The following PHC2 variants were observed in gnomAD, a reference collection of about 807,000 sequenced individuals.
PHC2 encodes the protein polyhomeotic-like protein 2.
In PHC2, 29 loss-of-function variants were observed where a neutral mutation model predicts 87.4. That is an observed-to-expected ratio of 0.33 (90% CI 0.25 to 0.45). PHC2 has a LOEUF of 0.45. Ranked by LOEUF, PHC2 falls within the 20% of genes least tolerant of loss-of-function variation. The pLI, the probability that PHC2 is intolerant of heterozygous loss-of-function variation, is 1.00. For missense variants in PHC2, 857 were observed against 1,136.7 expected, an observed-to-expected ratio of 0.75 and a Z score of 3.54; for synonymous variants, 438 against 461.7, an observed-to-expected ratio of 0.95 and a Z score of 0.66.
chr1:33,342,314 A>G (rs1646758763), intron 9 of PHC2, among the ~76,000 whole-genome samples: 1 of 152,196 alleles, frequency 6.6e-6, no homozygotes, highest in African/African-American at 2.4e-5. Context: ...TCTGGCAGGG[A>G]GGGGGCTCCT....
At chr1:33,345,276 A>G (rs578084427) in intron 9 of PHC2, 1 of 152,464 alleles carries the variant, frequency 6.6e-6, no homozygotes, top group South Asian at 2.1e-4. Context: ...ATCTGAAAAA[A>G]ACAGACATTT....
intron 9 of PHC2, among the ~76,000 whole-genome samples, chr1:33,352,767 G>T (rs748539942): frequency 6.6e-6 from 1 of 152,142 alleles, no homozygotes; most frequent in Non-Finnish European, 1.5e-5. Flanking sequence ...GTTCACGGGG[G>T]CCATTCGTGC....
At position 33,324,810 on chromosome 1, in the gene PHC2, G is replaced by A; in HGVS notation, c.*55C>T. The A allele has an allele frequency of 1.3e-6, 2 of 1,552,210 alleles. No homozygotes were observed. Among genetic ancestry groups the A allele is most frequent in the Non-Finnish European group, 1.7e-6 (2 of 1,144,802 alleles). On this transcript the variant is annotated 3_prime_UTR_variant, in exon 15 of 15. Coordinates refer to ENST00000683057, the MANE Select transcript of PHC2 (RefSeq NM_001385109.1). Reference sequence around the variant, plus strand: ...TGGGCCCCTCAGGAATGTCTGTCTGGCTCTGCTCAGTCGGGAGGAGGCGCC... The same window carrying A: ...TGGGCCCCTCAGGAATGTCTGTCTGACTCTGCTCAGTCGGGAGGAGGCGCC...
At chr1:33,417,121 A>C (rs1306809055) in intron 1 of PHC2, among the ~76,000 whole-genome samples, 3 of 152,178 alleles carry the variant, frequency 2.0e-5, no homozygotes, top group African/African-American at 7.2e-5. Context: ...CTAAGAAAAG[A>C]TAAAACAAAG....
intron 7 of PHC2, among the ~76,000 whole-genome samples, chr1:33,356,368 T>C (rs1205727378): frequency 1.3e-5 from 2 of 149,320 alleles, no homozygotes; most frequent in East Asian, 2.0e-4. Flanking sequence ...CATAGGACAA[T>C]AGTGGAGGGA....
intron 9 of PHC2, among the ~76,000 whole-genome samples, chr1:33,351,955 A>G (rs1404631725): frequency 6.7e-6 from 1 of 150,154 alleles, no homozygotes; most frequent in African/African-American, 2.5e-5. Flanking sequence ...GCATCTCAAA[A>G]AAAAAAAAAA....
In PHC2 at chr1:33,367,172, C is replaced by G; in HGVS notation, c.920G>C (p.Arg307Pro). Residue 307 changes from arginine to proline, a missense_variant, in exon 7 of 15, where the codon CGG (arginine) becomes CCG (proline). Around this residue, in one of 3 missense-constraint regions of PHC2, gnomAD observed 832 missense variants for 1,081.8 expected, o/e 0.77. Coordinates refer to ENST00000683057, the MANE Select transcript of PHC2 (RefSeq NM_001385109.1). ...NSSVPGSMEG[R>P]AGLSRTVPAV... Reference sequence around the variant, plus strand: ...AGGAACCGTCCGGCTGAGCCCAGCCCGGCCTTCCATGCTCCCTGGCACACT... The same window carrying G: ...AGGAACCGTCCGGCTGAGCCCAGCCGGGCCTTCCATGCTCCCTGGCACACT... 1 of 1,614,074 alleles carries G rather than the reference C, an allele frequency of 6.2e-7. No homozygotes were observed. Among genetic ancestry groups the G allele is most frequent in the Non-Finnish European group, 8.5e-7 (1 of 1,179,954 alleles).
chr1:33,371,981 C>A lies in PHC2; in HGVS notation c.333+308G>T, dbSNP rs529056511. 2.6e-5 allele frequency among the ~76,000 whole-genome samples: 4 copies of A among 152,344 alleles called. No homozygotes were observed. In the East Asian group the frequency reaches 7.7e-4, roughly 29 times the overall value. On this transcript the variant is annotated intron_variant, in intron 3 of 14. Transcript: ENST00000683057. Reference sequence around the variant, plus strand: ...AGCTAAACAGGCAGTGCCCTTCGTTCACGAACGCTTCCCTGGAACCCACAG... The same window carrying A: ...AGCTAAACAGGCAGTGCCCTTCGTTAACGAACGCTTCCCTGGAACCCACAG...
chr1:33,350,901 C>G (rs1181211200), intron 9 of PHC2, among the ~76,000 whole-genome samples: 2 of 152,182 alleles, frequency 1.3e-5, no homozygotes, highest in Non-Finnish European at 2.9e-5. Context: ...GTTTTATAAA[C>G]TAGGGTAACA....
rs114477955 is a variant in PHC2 at position 33,332,964 on chromosome 1, C to T, written c.1762-560G>A. ...AGAACCCCAGAGCAGCTTATTTACG[C>T]GTTTAGATCTCCTTTTGTGGCCTGT... is the stretch of plus-strand genomic sequence containing the variant. On this transcript the variant is annotated intron_variant, in intron 10 of 14. Coordinates refer to ENST00000683057, the MANE Select transcript of PHC2 (RefSeq NM_001385109.1). This position sits in a 1 kb window ranked among gnomAD's most constrained non-coding sequence, Gnocchi z 4.2. Among the ~76,000 whole-genome samples, 4,454 of 152,246 alleles carry T rather than the reference C, an allele frequency of 0.029. 88 individuals carry two copies. Among genetic ancestry groups the T allele is most frequent in the South Asian group, 0.043 (206 of 4,824 alleles).
At chr1:33,342,705 G>A (rs1363847328) in intron 9 of PHC2, among the ~76,000 whole-genome samples, 6 of 152,194 alleles carry the variant, frequency 3.9e-5, no homozygotes, top group Non-Finnish European at 8.8e-5. Flanking sequence ...GCTGGCCCTG[G>A]CTGCAGGGAG....
chr1:33,404,564 T>C (rs1206598125), intron 1 of PHC2, among the ~76,000 whole-genome samples: 4 of 152,214 alleles, frequency 2.6e-5, no homozygotes, highest in Non-Finnish European at 5.9e-5. Flanking sequence ...TCTTAAATTG[T>C]TTCTGATTTT....
At chr1:33,413,041 A>T (rs1570513257) in intron 1 of PHC2, among the ~76,000 whole-genome samples, 1 of 152,106 alleles carries the variant, frequency 6.6e-6, no homozygotes, top group Non-Finnish European at 1.5e-5. Context: ...ATCTCAGCTC[A>T]CTGCAGCCTC....
At chr1:33,371,317 G>A (rs1331105485) in intron 3 of PHC2, among the ~76,000 whole-genome samples, 2 of 150,142 alleles carry the variant, frequency 1.3e-5, no homozygotes, top group South Asian at 2.1e-4. Context: ...TGAGAGGACT[G>A]AATAAGGCAA....
intron 1 of PHC2, among the ~76,000 whole-genome samples, chr1:33,398,394 T>C (rs1649380404): frequency 6.6e-6 from 1 of 152,246 alleles, no homozygotes; most frequent in Non-Finnish European, 1.5e-5. Flanking sequence ...GTTACAAATG[T>C]AATATGCATA....
intron 1 of PHC2, among the ~76,000 whole-genome samples, chr1:33,376,577 A>C (rs116099047): frequency 6.6e-6 from 1 of 152,230 alleles, no homozygotes; most frequent in African/African-American, 2.4e-5. Context: ...ACTGAACATC[A>C]GAGAATTTAC....
intron 14 of PHC2, 76 bp from the exon 15 acceptor site, chr1:33,325,095 T>C: frequency 2.3e-6 from 3 of 1,309,076 alleles, no homozygotes; most frequent in Non-Finnish European, 3.2e-6. Context: ...CATCTAGTTA[T>C]CTAGATCTAG....
At chr1:33,347,160 G>A in intron 9 of PHC2, 1 of 985,436 alleles carries the variant, frequency 1.0e-6, no homozygotes, top group Non-Finnish European at 1.2e-6. Flanking sequence ...ACAGGCACAG[G>A]GTCATAGCTG....
At chr1:33,370,935 A>G in intron 4 of PHC2, 82 bp downstream of exon 4, 1 of 1,124,942 alleles carries the variant, frequency 8.9e-7, no homozygotes, top group Non-Finnish European at 1.4e-6. Context: ...ATGGCCACGG[A>G]TTCACCACAA....
Sources: allele counts gnomAD v4.1 joint callset (sites outside exome capture counted in the v4.1 genomes callset), GRCh38; gene constraint gnomAD v4.1.1; regional missense constraint gnomAD v4.1.1; non-coding constraint Gnocchi (gnomAD v3.1); transcripts MANE v1.5; gene names NCBI Gene and HGNC (gene_info 2026-07-23, HGNC 2026-07-21).